DCC: variants seen among roughly 807,000 people sequenced by gnomAD.
DCC encodes DCC netrin 1 receptor.
Under a neutral mutation model 172.5 loss-of-function variants are expected in DCC, and 58 were observed. The observed-to-expected ratio is 0.34, with a 90% confidence interval of 0.27 to 0.42. The LOEUF (loss-of-function observed/expected upper bound fraction) is 0.42, where lower values mean the gene tolerates loss of function less well. Among genes scored for constraint, DCC ranks in the 10% least tolerant of loss-of-function variants. DCC has a pLI of 1.00. For missense variants in DCC, 1,740 were observed against 1,791.0 expected (o/e 0.97, Z 0.51); for synonymous variants, 709 against 644.5 (o/e 1.10, Z -1.52).
Position 52,693,174 on chromosome 18 carries a change from A to T in DCC, c.92-58880A>T, listed in dbSNP as rs1158232202. 2.0e-4 allele frequency among the ~76,000 whole-genome samples: 9 copies of T among 45,190 alleles called. No homozygotes were observed. In the Admixed American group the frequency reaches 2.9e-3, roughly 14 times the overall value. 29.6% of individuals were successfully genotyped at this position (45,190 alleles called of 152,430 possible). A position where few individuals can be genotyped will look rare whatever the true frequency, so the allele number is the denominator to read the frequency against. ...GGGGTATTGGATTTGAGTCAGAGAC[A>T]TTAGTGTGAGCTTTTATCAGTTTAA... On this transcript the variant is annotated intron_variant, in intron 1 of 28. Coordinates refer to ENST00000442544, the MANE Select transcript of DCC (RefSeq NM_005215.4).
intron 1 of DCC, among the ~76,000 whole-genome samples, chr18:52,645,796 A>G (rs2035007479): frequency 6.6e-6 from 1 of 152,262 alleles, no homozygotes; most frequent in Admixed American, 6.5e-5. Flanking sequence ...AAACTTACCT[A>G]AATTTATTAA....
chr18:52,522,208 G>T (rs2031841456), intron 1 of DCC, among the ~76,000 whole-genome samples: 1 of 152,138 alleles, frequency 6.6e-6, no homozygotes, highest in South Asian at 2.1e-4. Context: ...GTATCTACCT[G>T]TACATGGTTT....
chr18:52,703,418 C>T (rs1163868778), intron 1 of DCC, among the ~76,000 whole-genome samples: 1 of 152,186 alleles, frequency 6.6e-6, no homozygotes, highest in African/African-American at 2.4e-5. Context: ...GTTCTCTTCT[C>T]AGACCTCATC....
chr18:52,576,665 GA>G (rs2033417365), intron 1 of DCC, among the ~76,000 whole-genome samples: 1 of 151,690 alleles, frequency 6.6e-6, no homozygotes, highest in African/African-American at 2.4e-5. Flanking sequence ...CCATCTTTAC[GA>G]AAAATACAAA....
At chr18:53,232,670 C>T (rs115201283) in intron 12 of DCC, among the ~76,000 whole-genome samples, 333 of 152,200 alleles carry the variant, frequency 2.2e-3, no homozygotes, top group African/African-American at 6.8e-3. Context: ...GGAATGTGTC[C>T]GGCTAAATCG....
intron 5 of DCC, among the ~76,000 whole-genome samples, chr18:52,953,857 T>C (rs2145554171): frequency 6.6e-6 from 1 of 152,314 alleles, no homozygotes; most frequent in Non-Finnish European, 1.5e-5. Flanking sequence ...TTCAGAAAGA[T>C]TGTGCTGTTA....
At chr18:52,481,737 C>T (rs2029970297) in intron 1 of DCC, among the ~76,000 whole-genome samples, 1 of 152,062 alleles carries the variant, frequency 6.6e-6, no homozygotes, top group African/African-American at 2.4e-5. Flanking sequence ...GGCTCTGACA[C>T]TGTCTGCTGT....
chr18:52,517,444 G>C (rs1335790844), intron 1 of DCC, among the ~76,000 whole-genome samples: 3 of 152,178 alleles, frequency 2.0e-5, no homozygotes, highest in Non-Finnish European at 4.4e-5. Flanking sequence ...GAATGCTACA[G>C]GCCTTCTGTA....
intron 2 of DCC, among the ~76,000 whole-genome samples, chr18:52,850,581 G>T (rs1279094767): frequency 6.6e-6 from 1 of 151,432 alleles, no homozygotes; most frequent in African/African-American, 2.4e-5. Flanking sequence ...ACATTGTGTA[G>T]CATCTTGAAA....
At position 52,912,125 on chromosome 18, in the gene DCC, A is replaced by G. The variant is rs559575121; in HGVS notation, c.697+5797A>G. Among the ~76,000 whole-genome samples the G allele has an allele frequency of 4.6e-4, 70 of 152,264 alleles. No homozygotes were observed. The South Asian group carries it at 0.013, about 29-fold the overall frequency. ...GTTAATATCATGGGGTCTGACACAG[A>G]ATGATTAAGTACAAATCTTGGTTTC... On this transcript the variant is annotated intron_variant, in intron 3 of 28. Transcript: ENST00000442544.
At chr18:52,375,067 T>C (rs886087348) in intron 1 of DCC, among the ~76,000 whole-genome samples, 1 of 152,242 alleles carries the variant, frequency 6.6e-6, no homozygotes, top group Non-Finnish European at 1.5e-5. Context: ...GGGGCTTTTT[T>C]GGTCTTCTTG....
At chr18:52,431,382 A>C (rs886641836) in intron 1 of DCC, among the ~76,000 whole-genome samples, 6 of 152,160 alleles carry the variant, frequency 3.9e-5, no homozygotes, top group Non-Finnish European at 8.8e-5. Flanking sequence ...AAGTGAATGA[A>C]CATTCCTTGG....
At chr18:53,458,222 G>A (rs970573698) in intron 23 of DCC, among the ~76,000 whole-genome samples, 4 of 152,146 alleles carry the variant, frequency 2.6e-5, no homozygotes, top group South Asian at 2.1e-4. Flanking sequence ...GAAGTTACAA[G>A]TAGAGATTTA....
intron 1 of DCC, among the ~76,000 whole-genome samples, chr18:52,608,533 G>C (rs2034185156): frequency 6.6e-6 from 1 of 152,154 alleles, no homozygotes; most frequent in Non-Finnish European, 1.5e-5. Flanking sequence ...AGTATGGTGT[G>C]AGTAAAGATA....
At chr18:53,175,374 A>G (rs2055075582) in intron 8 of DCC, among the ~76,000 whole-genome samples, 1 of 152,134 alleles carries the variant, frequency 6.6e-6, no homozygotes, top group Admixed American at 6.6e-5. Flanking sequence ...TTAGGAAAAG[A>G]GGAAGTCAAA....
chr18:52,611,593 G>T (rs1258356237), intron 1 of DCC, among the ~76,000 whole-genome samples: 1 of 152,144 alleles, frequency 6.6e-6, no homozygotes. Context: ...TTCATGTTGG[G>T]TGTCTCCTAT....
chr18:53,212,100 CA>C (rs2055762189), intron 11 of DCC, among the ~76,000 whole-genome samples: 1 of 152,052 alleles, frequency 6.6e-6, no homozygotes, highest in South Asian at 2.1e-4. Context: ...TGGCAGCATA[CA>C]TTTGCTGAGG....
At chr18:53,341,646 A>G (rs2057661422) in intron 15 of DCC, among the ~76,000 whole-genome samples, 3 of 152,216 alleles carry the variant, frequency 2.0e-5, no homozygotes, top group Admixed American at 6.5e-5. Context: ...AAATACAGTA[A>G]TTAGCATGTT....
At position 52,607,632 on chromosome 18, in the gene DCC, TTGATTTTAG is replaced by T. The variant is rs1303145687; in HGVS notation, c.92-144418_92-144410del. 5.9e-5 allele frequency among the ~76,000 whole-genome samples: 9 copies of T among 152,316 alleles called. No homozygotes were observed. In the South Asian group the frequency reaches 6.2e-4, roughly 11 times the overall value. ...TCACTTTACAAAGTTTTTGATTTAT[TTGATTTTAG>T]TGAAATCACTTACATAATCCCTTCA... is the stretch of plus-strand genomic sequence containing the variant. On this transcript the variant is annotated intron_variant, in intron 1 of 28. Transcript: ENST00000442544.
Sources: allele counts gnomAD v4.1 joint callset (sites outside exome capture counted in the v4.1 genomes callset), GRCh38; gene constraint gnomAD v4.1.1; transcripts MANE v1.5; gene names NCBI Gene and HGNC (gene_info 2026-07-23, HGNC 2026-07-21).